Variants in PIGL observed in about 807,000 individuals in gnomAD.
PIGL encodes N-acetylglucosaminyl-phosphatidylinositol de-N-acetylase.
PIGL carries 22 observed loss-of-function variants against 31.1 expected under a neutral mutation model. The ratio of observed to expected loss-of-function variants is 0.71; its 90% CI spans 0.51 to 1.01. PIGL has a LOEUF of 1.01. Ranked by LOEUF, PIGL falls within the 50% of genes least tolerant of loss-of-function variation. The probability of loss-of-function intolerance (pLI) is 0.00; values close to 1 mark genes in which losing one functional copy is unlikely to be tolerated. For missense variants in PIGL, 302 were observed against 315.9 expected (o/e 0.96, Z 0.33); for synonymous variants, 131 against 117.4 (o/e 1.12, Z -0.75).
intron 2 of PIGL, among the ~76,000 whole-genome samples, chr17:16,266,695 A>G (rs1002383401): frequency 1.7e-4 from 26 of 151,986 alleles, no homozygotes; most frequent in Admixed American, 3.9e-4. Flanking sequence ...TCCCAGGTTC[A>G]TGCCATTCTC....
intron 3 of PIGL, among the ~76,000 whole-genome samples, chr17:16,311,159 T>C (rs978215378): frequency 6.6e-6 from 1 of 152,122 alleles, no homozygotes; most frequent in Non-Finnish European, 1.5e-5. Context: ...CACCTTTCCT[T>C]GGGGACAGCT....
intron 2 of PIGL, among the ~76,000 whole-genome samples, chr17:16,271,365 G>GT (rs1294192467): frequency 6.6e-6 from 1 of 152,126 alleles, no homozygotes; most frequent in Non-Finnish European, 1.5e-5. Context: ...TATCTCTGAG[G>GT]TTTTTTCACA....
intron 3 of PIGL, among the ~76,000 whole-genome samples, chr17:16,303,699 C>A (rs1414521394): frequency 6.8e-6 from 1 of 146,270 alleles, no homozygotes; most frequent in Non-Finnish European, 1.5e-5. Context: ...CCACCACGCC[C>A]AGCTCATTTT....
intron 2 of PIGL, among the ~76,000 whole-genome samples, chr17:16,287,733 T>C (rs2092944044): frequency 6.6e-6 from 1 of 152,236 alleles, no homozygotes; most frequent in East Asian, 1.9e-4. Context: ...ATCTGTGCTT[T>C]CTTTGCTCTT....
At chr17:16,309,617 T>C (rs7223807) in intron 3 of PIGL, among the ~76,000 whole-genome samples, 6,682 of 151,560 alleles carry the variant, frequency 0.044, 193 homozygotes, top group African/African-American at 0.089. Flanking sequence ...AAAAATTAGC[T>C]AGGTGTGGTG....
At chr17:16,312,261 A>T (rs969525222) in intron 3 of PIGL, 2 of 143,800 alleles carry the variant, frequency 1.4e-5, no homozygotes, top group African/African-American at 5.8e-5. Context: ...CCGGGCAGAG[A>T]CGCTCCTCAC....
intron 3 of PIGL, among the ~76,000 whole-genome samples, chr17:16,304,990 A>G (rs1271930652): frequency 1.3e-5 from 2 of 152,074 alleles, no homozygotes; most frequent in Non-Finnish European, 2.9e-5. Context: ...AGTTGTCACA[A>G]TCAAAACGTC....
At chr17:16,231,537 G>A (rs1355233860) in intron 1 of PIGL, among the ~76,000 whole-genome samples, 1 of 151,878 alleles carries the variant, frequency 6.6e-6, no homozygotes, top group Non-Finnish European at 1.5e-5. Context: ...ACTATGCCCA[G>A]CTTTGATTTT....
chr17:16,304,497 C>A (rs2142844031), intron 3 of PIGL, among the ~76,000 whole-genome samples: 1 of 152,270 alleles, frequency 6.6e-6, no homozygotes, highest in African/African-American at 2.4e-5. Flanking sequence ...ATGGCTCATG[C>A]CTATAATCCT....
intron 2 of PIGL, among the ~76,000 whole-genome samples, chr17:16,291,647 C>A (rs2092961201): frequency 6.6e-6 from 1 of 151,948 alleles, no homozygotes; most frequent in Non-Finnish European, 1.5e-5. Context: ...GGGCGGGTCA[C>A]CTGAGGTCAG....
intron 4 of PIGL, among the ~76,000 whole-genome samples, chr17:16,315,078 A>G (rs971537651): frequency 2.0e-5 from 3 of 152,154 alleles, no homozygotes; most frequent in Admixed American, 1.3e-4. Flanking sequence ...TGGTCCAGTC[A>G]CCACTGAAGT....
At chr17:16,236,838 G>T (rs905046026) in intron 2 of PIGL, among the ~76,000 whole-genome samples, 56 of 152,214 alleles carry the variant, frequency 3.7e-4, no homozygotes, top group Middle Eastern at 6.8e-3. Flanking sequence ...CAAAGTGTTG[G>T]GATTACAGGC....
At chr17:16,312,252 C>G (rs142298795) in intron 3 of PIGL, 62,679 of 156,870 alleles carry the variant, frequency 0.4, 14,010 homozygotes, top group Middle Eastern at 0.51. Context: ...ACGGGGAGGC[C>G]GGGCAGAGAC....
At chr17:16,278,040 T>C (rs976063786) in intron 2 of PIGL, among the ~76,000 whole-genome samples, 14 of 151,886 alleles carry the variant, frequency 9.2e-5, no homozygotes, top group African/African-American at 2.4e-5. Context: ...TAGTGCATTA[T>C]TGATGTCAAA....
At chr17:16,221,737 A>G (rs1363738513) in intron 1 of PIGL, among the ~76,000 whole-genome samples, 5 of 152,102 alleles carry the variant, frequency 3.3e-5, no homozygotes, top group Non-Finnish European at 7.4e-5. Flanking sequence ...CTCCTGCCTC[A>G]GCCTCCCAAG....
At chr17:16,228,153 G>A (rs1314136665) in intron 1 of PIGL, among the ~76,000 whole-genome samples, 1 of 147,790 alleles carries the variant, frequency 6.8e-6, no homozygotes, top group African/African-American at 2.5e-5. Context: ...CCAGGTTCAA[G>A]CAATTCTCCT....
At chr17:16,260,232 C>T (rs779457623) in intron 2 of PIGL, among the ~76,000 whole-genome samples, 6 of 152,320 alleles carry the variant, frequency 3.9e-5, no homozygotes, top group Non-Finnish European at 8.8e-5. Context: ...CAGACAGGCT[C>T]GTGGACTGAA....
chr17:16,260,533 T>A (rs900797162), intron 2 of PIGL, among the ~76,000 whole-genome samples: 1 of 152,144 alleles, frequency 6.6e-6, no homozygotes, highest in Admixed American at 6.5e-5. Flanking sequence ...ATGATTTGCC[T>A]GCGAATAGGA....
chr17:16,247,425 C>T (rs1568793975), intron 2 of PIGL, among the ~76,000 whole-genome samples: 1 of 152,096 alleles, frequency 6.6e-6, no homozygotes, highest in South Asian at 2.1e-4. Flanking sequence ...TGAAAACAGA[C>T]AAGTTATATA....
Sources: gnomAD v4.1 joint callset for allele counts (sites outside exome capture counted in the v4.1 genomes callset) on GRCh38, gnomAD v4.1.1 for gene constraint, MANE v1.5 for transcripts, NCBI Gene and HGNC (gene_info 2026-07-23, HGNC 2026-07-21) for gene names.